Variants in NCKAP5 observed in about 807,000 individuals in gnomAD.
NCKAP5 encodes NCK associated protein 5, also known as nck-associated protein 5.
In NCKAP5, 92 loss-of-function variants were observed where a neutral mutation model predicts 167.0. The ratio of observed to expected loss-of-function variants is 0.55; its 90% CI spans 0.47 to 0.66. The LOEUF (loss-of-function observed/expected upper bound fraction) is 0.66, where lower values mean the gene tolerates loss of function less well. Among genes scored for constraint, NCKAP5 ranks in the 30% least tolerant of loss-of-function variants. The pLI, the probability that NCKAP5 is intolerant of heterozygous loss-of-function variation, is 0.00. For synonymous variants in NCKAP5, 891 were observed against 877.4 expected (o/e 1.02, Z -0.27); for missense variants, 2,378 against 2,315.0 (o/e 1.03, Z -0.56).
At chr2:132,959,579 C>G (rs900584013) in intron 8 of NCKAP5, among the ~76,000 whole-genome samples, 2 of 152,092 alleles carry the variant, frequency 1.3e-5, no homozygotes, top group Non-Finnish European at 2.9e-5. Context: ...GTGGGGCCTG[C>G]AGACAAACAA....
chr2:132,773,766 A>G, intron 16 of NCKAP5, 50 bp downstream of exon 16: 1 of 1,389,964 alleles, frequency 7.2e-7, no homozygotes, highest in Non-Finnish European at 1.0e-6. Context: ...GAAGAAGGAT[A>G]CATTTAGAAT....
intron 15 of NCKAP5, among the ~76,000 whole-genome samples, chr2:132,775,135 C>T (rs1558753425): frequency 6.6e-6 from 1 of 152,142 alleles, no homozygotes; most frequent in African/African-American, 2.4e-5. Flanking sequence ...TAGGCACGTA[C>T]GTTAGAGGTT....
chr2:133,547,153 T>C (rs1311982088), intron 2 of NCKAP5, among the ~76,000 whole-genome samples: 2 of 152,068 alleles, frequency 1.3e-5, no homozygotes, highest in African/African-American at 2.4e-5. Flanking sequence ...CCCACCCGAA[T>C]ATTGCGCTAT....
chr2:133,136,831 A>G (rs547802517), intron 5 of NCKAP5, among the ~76,000 whole-genome samples: 1 of 152,344 alleles, frequency 6.6e-6, no homozygotes, highest in African/African-American at 2.4e-5. Context: ...GTGCCCAGTC[A>G]CAGGTATCTC....
chr2:133,365,565 T>C (rs986811829), intron 3 of NCKAP5, among the ~76,000 whole-genome samples: 1 of 152,004 alleles, frequency 6.6e-6, no homozygotes, highest in Non-Finnish European at 1.5e-5. Context: ...ATAAAACATA[T>C]TGATTCTATA....
At chr2:133,510,546 C>G (rs1490179458) in intron 3 of NCKAP5, among the ~76,000 whole-genome samples, 1 of 152,210 alleles carries the variant, frequency 6.6e-6, no homozygotes, top group Admixed American at 6.5e-5. Context: ...CACCTCCATT[C>G]CTTTGTCAAT....
chr2:133,175,145 C>T (rs1042262836), intron 5 of NCKAP5, among the ~76,000 whole-genome samples: 2 of 152,026 alleles, frequency 1.3e-5, no homozygotes, highest in Non-Finnish European at 2.9e-5. Flanking sequence ...GCCCAGGGGT[C>T]ATCTGTATAT....
At chr2:132,682,887 CTT>C (rs201009406) in intron 19 of NCKAP5, among the ~76,000 whole-genome samples, 27 of 141,502 alleles carry the variant, frequency 1.9e-4, no homozygotes, top group Non-Finnish European at 1.9e-4. Flanking sequence ...TTTCTTTTTA[CTT>C]TTTTTTTTTT....
intron 8 of NCKAP5, among the ~76,000 whole-genome samples, chr2:132,888,041 A>G (rs1692393523): frequency 6.6e-6 from 1 of 152,212 alleles, no homozygotes; most frequent in South Asian, 2.1e-4. Context: ...TTTCATGAGT[A>G]TTATTAGTCT....
At chr2:133,392,644 G>C (rs1687489881) in intron 3 of NCKAP5, among the ~76,000 whole-genome samples, 1 of 152,046 alleles carries the variant, frequency 6.6e-6, no homozygotes, top group Non-Finnish European at 1.5e-5. Flanking sequence ...GATGCTTATG[G>C]AATAAATAAA....
chr2:133,369,179 G>A (rs1685640554), intron 3 of NCKAP5, among the ~76,000 whole-genome samples: 1 of 152,192 alleles, frequency 6.6e-6, no homozygotes, highest in Admixed American at 6.5e-5. Flanking sequence ...AATCACGGGT[G>A]GGACAAAGGC....
chr2:133,251,554 TA>T (rs891954962), intron 4 of NCKAP5, among the ~76,000 whole-genome samples: 5 of 101,138 alleles, frequency 4.9e-5, no homozygotes, highest in Admixed American at 3.8e-4. Context: ...TGCCAAAGTA[TA>T]AAAAAAGCAT....
intron 5 of NCKAP5, among the ~76,000 whole-genome samples, chr2:133,174,544 C>T (rs1313058158): frequency 3.9e-5 from 6 of 152,056 alleles, no homozygotes; most frequent in African/African-American, 7.2e-5. Flanking sequence ...AATCCATCAC[C>T]GAGGTTAATT....
intron 3 of NCKAP5, among the ~76,000 whole-genome samples, chr2:133,465,301 T>C (rs1692495686): frequency 1.3e-5 from 2 of 151,980 alleles, no homozygotes; most frequent in African/African-American, 4.8e-5. Context: ...GAATGATGAT[T>C]TCCCATTTTA....
intron 17 of NCKAP5, among the ~76,000 whole-genome samples, chr2:132,730,724 A>G (rs969842837): frequency 6.6e-6 from 1 of 152,212 alleles, no homozygotes; most frequent in African/African-American, 2.4e-5. Flanking sequence ...ACCTATAACT[A>G]AGATTTCGCC....
intron 2 of NCKAP5, among the ~76,000 whole-genome samples, chr2:133,528,863 C>T (rs1047460321): frequency 1.3e-5 from 2 of 152,182 alleles, no homozygotes; most frequent in South Asian, 2.1e-4. Context: ...CTCTTCTTGC[C>T]GCTTCCAGTG....
At chr2:133,056,142 C>T (rs528500313) in intron 6 of NCKAP5, among the ~76,000 whole-genome samples, 1 of 152,206 alleles carries the variant, frequency 6.6e-6, no homozygotes, top group Admixed American at 6.5e-5. Context: ...ACCACTTTCT[C>T]GATGACCTGC....
chr2:132,799,531 A>G (rs1558795782), intron 11 of NCKAP5, among the ~76,000 whole-genome samples: 1 of 152,214 alleles, frequency 6.6e-6, no homozygotes, highest in Non-Finnish European at 1.5e-5. Context: ...ACAGGTATAG[A>G]GAGGCACTAT....
At chr2:133,163,878 C>T (rs1163445593) in intron 5 of NCKAP5, among the ~76,000 whole-genome samples, 4 of 151,976 alleles carry the variant, frequency 2.6e-5, no homozygotes, top group Admixed American at 1.3e-4. Flanking sequence ...AGTCCCGTAA[C>T]TAGGTAAGAA....
Sources: allele counts gnomAD v4.1 joint callset (sites outside exome capture counted in the v4.1 genomes callset), GRCh38; gene constraint gnomAD v4.1.1; transcripts MANE v1.5; gene names NCBI Gene and HGNC (gene_info 2026-07-23, HGNC 2026-07-21).